Variants in PPP2R5A observed in about 807,000 individuals in gnomAD.
The protein encoded by PPP2R5A is serine/threonine-protein phosphatase 2A 56 kDa regulatory subunit alpha isoform.
Under a neutral mutation model 64.2 loss-of-function variants are expected in PPP2R5A, and 25 were observed. The observed-to-expected ratio is 0.39, with a 90% CI of 0.28 to 0.54. The LOEUF (loss-of-function observed/expected upper bound fraction) is 0.54. PPP2R5A is among the 20% of genes least tolerant of loss of function. The pLI is 0.67. For synonymous variants in PPP2R5A, 198 were observed against 201.2 expected (o/e 0.98, Z 0.13); for missense variants, 425 against 576.3 (o/e 0.74, Z 2.69).
intron 4 of PPP2R5A, 128 bp from the exon 5 acceptor site, chr1:212,345,675 G>A: frequency 1.3e-6 from 1 of 795,150 alleles, no homozygotes; most frequent in South Asian, 2.3e-5. Flanking sequence ...CAAGAATAAA[G>A]TCAGTGTGGT....
Position 212,286,061 on chromosome 1 carries a change from C to T in PPP2R5A, c.-50C>T. 6.8e-7 allele frequency: 1 copy of T among 1,479,158 alleles called. No homozygotes were observed. Among genetic ancestry groups the T allele is most frequent in the Non-Finnish European group, 8.9e-7 (1 of 1,118,284 alleles). 91.6% of individuals were successfully genotyped at this position (1,479,158 alleles called of 1,614,324 possible). A position where few individuals can be genotyped will look rare whatever the true frequency, so the allele number is the denominator to read the frequency against. On this transcript the variant is annotated 5_prime_UTR_variant, in exon 1 of 13. Coordinates refer to ENST00000261461, the MANE Select transcript of PPP2R5A (RefSeq NM_006243.4). The stretch of plus-strand genomic sequence containing the variant: ...CTCCTCCTGCCGTCTCCGCCGCTGC[C>T]CGTGCCTTGCAAGCAGCAGCCGGAG...
In PPP2R5A at chr1:212,298,079, A is replaced by G; in HGVS notation, c.181+11788A>G. Among the ~76,000 whole-genome samples the G allele has an allele frequency of 4.9e-5, 2 of 40,898 alleles. 1 individual carries two copies. The highest frequency in any genetic ancestry group is 8.8e-5 in the Non-Finnish European group (2 of 22,650). The allele number at this position is 40,898 out of a possible 152,430, so 26.8% of individuals were successfully genotyped here. ...ACAAAGCACATCTTGCACCGCCCTT[A>G]ATCCATCTAACCCTGAGTGGACACA... is the stretch of plus-strand genomic sequence containing the variant. On this transcript the variant is annotated intron_variant, in intron 1 of 12. Coordinates refer to ENST00000261461, the MANE Select transcript of PPP2R5A (RefSeq NM_006243.4).
chr1:212,341,008 A>G (rs553671933), intron 3 of PPP2R5A, among the ~76,000 whole-genome samples: 5 of 151,868 alleles, frequency 3.3e-5, no homozygotes, highest in African/African-American at 9.6e-5. Context: ...CTCCTTTTTT[A>G]TTTTTAGGGT....
intron 8 of PPP2R5A, among the ~76,000 whole-genome samples, chr1:212,349,712 A>G (rs564835182): frequency 1.3e-5 from 2 of 152,342 alleles, no homozygotes; most frequent in South Asian, 2.1e-4. Context: ...TGATTAAGAT[A>G]TAAGATGTAA....
At chr1:212,347,672 T>C (rs1659807418) in intron 6 of PPP2R5A, among the ~76,000 whole-genome samples, 1 of 152,034 alleles carries the variant, frequency 6.6e-6, no homozygotes, top group African/African-American at 2.4e-5. Context: ...CCTGAGTAGC[T>C]GGGATTACAG....
At chr1:212,331,651 T>TA (rs1458410859) in intron 2 of PPP2R5A, 1 of 152,176 alleles carries the variant, frequency 6.6e-6, no homozygotes, top group Non-Finnish European at 1.5e-5. Context: ...TTCCTACTGT[T>TA]ACTGATTTCA....
chr1:212,327,963 C>T (rs1050341005), intron 1 of PPP2R5A, among the ~76,000 whole-genome samples: 6 of 152,136 alleles, frequency 3.9e-5, no homozygotes, highest in African/African-American at 1.4e-4. Context: ...TACAGGCATG[C>T]GCCACCATGC....
Position 212,329,144 on chromosome 1 carries a change from CA to C in PPP2R5A, c.194del (p.Asn65MetfsTer27), listed in dbSNP as rs1338616760. 6.6e-7 allele frequency: 1 copy of C among 1,503,930 alleles called. No individual in the cohort carries two copies. Among genetic ancestry groups the C allele is most frequent in the Admixed American group, 2.2e-5 (1 of 44,914 alleles). 93.2% of individuals were successfully genotyped at this position (1,503,930 alleles called of 1,614,324 possible). A position where few individuals can be genotyped will look rare whatever the true frequency, so the allele number is the denominator to read the frequency against. ...HPLPQLKDAT[S>X]NEQQELFCQK... The stretch of plus-strand genomic sequence containing the variant: ...TTATTTTTATTTATAGATGCCACTT[CA>C]AATGAACAACAAGAGCTTTTCTGTC... On this transcript the variant is annotated frameshift_variant, in exon 2 of 13. Coordinates refer to ENST00000261461, the MANE Select transcript of PPP2R5A (RefSeq NM_006243.4). LOFTEE classifies it high-confidence loss of function.
chr1:212,322,947 G>A (rs1475264320), intron 1 of PPP2R5A, among the ~76,000 whole-genome samples: 4 of 152,014 alleles, frequency 2.6e-5, no homozygotes, highest in South Asian at 2.1e-4. Flanking sequence ...CACCATGCCC[G>A]GCTAATTTTT....
chr1:212,286,582 T>C (rs1450893817), intron 1 of PPP2R5A, among the ~76,000 whole-genome samples: 1 of 152,220 alleles, frequency 6.6e-6, no homozygotes, highest in Non-Finnish European at 1.5e-5. Context: ...ACTTCCTATC[T>C]TGCGTCCCGT....
chr1:212,316,613 T>TTTTTTTTG (rs1491340211), intron 1 of PPP2R5A, among the ~76,000 whole-genome samples: 2 of 138,938 alleles, frequency 1.4e-5, no homozygotes, highest in East Asian at 2.0e-4. Flanking sequence ...TTTTTTTTTT[T>TTTTTTTTG]AATCTGAAAG....
At chr1:212,314,347 T>C (rs1351049389) in intron 1 of PPP2R5A, among the ~76,000 whole-genome samples, 1 of 152,170 alleles carries the variant, frequency 6.6e-6, no homozygotes, top group African/African-American at 2.4e-5. Flanking sequence ...TCTGAATCCC[T>C]GACACAAAGA....
intron 1 of PPP2R5A, chr1:212,309,017 AT>A: frequency 1.3e-6 from 1 of 742,216 alleles, no homozygotes. Context: ...GTGAAAAGAT[AT>A]ATATATATAT....
intron 1 of PPP2R5A, among the ~76,000 whole-genome samples, chr1:212,289,645 T>G (rs1451290540): frequency 6.6e-6 from 1 of 152,116 alleles, no homozygotes; most frequent in Non-Finnish European, 1.5e-5. Flanking sequence ...ATGGGGATAA[T>G]ACAAATCTCC....
At chr1:212,315,724 T>C (rs1489370759) in intron 1 of PPP2R5A, among the ~76,000 whole-genome samples, 1 of 152,224 alleles carries the variant, frequency 6.6e-6, no homozygotes. Context: ...GTATTGTGCT[T>C]CACTGTATTG....
intron 1 of PPP2R5A, among the ~76,000 whole-genome samples, chr1:212,291,236 T>C (rs1377556561): frequency 1.3e-5 from 2 of 152,098 alleles, no homozygotes; most frequent in African/African-American, 4.8e-5. Context: ...TGCACCACCA[T>C]GCCAAGCTAA....
chr1:212,333,274 T>C (rs1365875975), intron 2 of PPP2R5A, among the ~76,000 whole-genome samples: 5 of 152,226 alleles, frequency 3.3e-5, no homozygotes, highest in Non-Finnish European at 7.3e-5. Context: ...AGAGGTTATC[T>C]GTAATCTTCA....
chr1:212,314,392 T>A (rs1275114989), intron 1 of PPP2R5A, among the ~76,000 whole-genome samples: 1 of 151,964 alleles, frequency 6.6e-6, no homozygotes, highest in Non-Finnish European at 1.5e-5. Context: ...GTTGTTGTTG[T>A]TTTTTTAAGA....
chr1:212,302,180 C>A, intron 1 of PPP2R5A: 1 of 1,235,762 alleles, frequency 8.1e-7, no homozygotes, highest in Non-Finnish European at 1.1e-6. Context: ...TGGGAAGATG[C>A]ATTTGAAACA....
Sources: allele counts gnomAD v4.1 joint callset (sites outside exome capture counted in the v4.1 genomes callset), GRCh38; gene constraint gnomAD v4.1.1; transcripts MANE v1.5; gene names NCBI Gene and HGNC (gene_info 2026-07-23, HGNC 2026-07-21).